The following SATB2 variants were observed in gnomAD, a reference collection of about 807,000 sequenced individuals.
SATB2 encodes SATB homeobox 2.
A neutral mutation model predicts 73.4 loss-of-function variants in SATB2; 1 was observed. The observed-to-expected ratio is 0.01, with a 90% CI of 0.00 to 0.06. The LOEUF (loss-of-function observed/expected upper bound fraction) is 0.06. Ranked by LOEUF, SATB2 falls within the 10% of genes least tolerant of loss-of-function variation. The pLI, the probability that SATB2 is intolerant of heterozygous loss-of-function variation, is 1.00. For synonymous variants in SATB2, 397 were observed against 367.0 expected (o/e 1.08, Z -0.93); for missense variants, 459 against 945.8 (o/e 0.49, Z 6.75).
chr2:199,463,899 G>A lies in SATB2; in HGVS notation c.-141+937C>T, dbSNP rs1465926348. The stretch of plus-strand genomic sequence containing the variant: ...TCGTAGGGGCAGGCAAGCTCAGGCA[G>A]CCGGGTGCAAGGGGGCCCAAACCGC... On this transcript the variant is annotated intron_variant, in intron 1 of 11. Coordinates refer to the SATB2 transcript ENST00000260926. This position sits in a 1 kb window ranked among gnomAD's most constrained non-coding sequence, Gnocchi z 6.4. 6.6e-6 allele frequency among the ~76,000 whole-genome samples: 1 copy of A among 152,200 alleles called. No homozygotes were observed. Among genetic ancestry groups the A allele is most frequent in the East Asian group, 1.9e-4 (1 of 5,172 alleles).
At chr2:199,405,902 A>C (rs1310101283) in intron 3 of SATB2, among the ~76,000 whole-genome samples, 1 of 152,198 alleles carries the variant, frequency 6.6e-6, no homozygotes, top group Non-Finnish European at 1.5e-5. Context: ...GGGTCAAGGT[A>C]AGTGGAGTGG....
At chr2:199,458,616 G>GCAGT (rs1163354695), upstream of SATB2, 1 of 436,390 alleles carries the variant, frequency 2.3e-6, no homozygotes, top group Non-Finnish European at 4.6e-6. Flanking sequence ...CGGCGACAAG[G>GCAGT]CAGTCGCTGG....
intron 10 of SATB2, among the ~76,000 whole-genome samples, chr2:199,307,232 AATG>A (rs1174740882): frequency 6.6e-5 from 10 of 152,220 alleles, no homozygotes; most frequent in African/African-American, 1.9e-4. Context: ...TATGTTATGA[AATG>A]ATATTGACAA....
chr2:199,388,329 C>T (rs1690021362), intron 3 of SATB2, among the ~76,000 whole-genome samples: 1 of 152,130 alleles, frequency 6.6e-6, no homozygotes, highest in Admixed American at 6.5e-5. Flanking sequence ...TTGCTAAACA[C>T]ATAGCTAAGT....
intron 3 of SATB2, among the ~76,000 whole-genome samples, chr2:199,417,562 G>A (rs1365400051): frequency 6.6e-6 from 1 of 152,140 alleles, no homozygotes; most frequent in South Asian, 2.1e-4. Context: ...CATTTGTACT[G>A]AGGTAACTCA....
At chr2:199,435,575 C>T (rs574178011) in intron 2 of SATB2, among the ~76,000 whole-genome samples, 1 of 152,132 alleles carries the variant, frequency 6.6e-6, no homozygotes, top group African/African-American at 2.4e-5. Context: ...AACTCCTAAC[C>T]TCAGGTGATC....
chr2:199,273,291 C>T (rs1277483619), intron 10 of SATB2, among the ~76,000 whole-genome samples: 1 of 152,182 alleles, frequency 6.6e-6, no homozygotes, highest in Admixed American at 6.5e-5. Context: ...GAGGGTCGAT[C>T]TTTGCCACAA....
chr2:199,385,177 CA>C (rs1267418184), intron 3 of SATB2, among the ~76,000 whole-genome samples: 1 of 152,102 alleles, frequency 6.6e-6, no homozygotes, highest in Non-Finnish European at 1.5e-5. Flanking sequence ...CTCTGTCACC[CA>C]AGCTGAAGTG....
chr2:199,408,056 G>A lies in SATB2; in HGVS notation c.346+25282C>T, dbSNP rs565464037. On this transcript the variant is annotated intron_variant, in intron 3 of 10. Coordinates refer to ENST00000417098, the MANE Select transcript of SATB2 (RefSeq NM_001172509.2). Reference sequence around the variant, plus strand: ...TTTCATGATAACCTTGGACCTGACAGGGTAGTTCCATAGTTTGTGCCTTGT... The same window carrying A: ...TTTCATGATAACCTTGGACCTGACAAGGTAGTTCCATAGTTTGTGCCTTGT... Among the ~76,000 whole-genome samples the A allele has an allele frequency of 3.9e-5, 6 of 152,298 alleles. No homozygotes were observed. The South Asian group carries it at 1.2e-3, about 32-fold the overall frequency.
At chr2:199,352,578 C>T (rs1327737195) in intron 6 of SATB2, among the ~76,000 whole-genome samples, 1 of 152,138 alleles carries the variant, frequency 6.6e-6, no homozygotes, top group African/African-American at 2.4e-5. Flanking sequence ...CAACATATTA[C>T]ATCCGTAGTA....
intron 3 of SATB2, among the ~76,000 whole-genome samples, chr2:199,430,605 G>C (rs1304833466): frequency 6.6e-6 from 1 of 152,098 alleles, no homozygotes; most frequent in East Asian, 1.9e-4. Flanking sequence ...TCAAATAAAG[G>C]TTATTTTAAC....
chr2:199,406,733 C>T (rs1026232161), intron 3 of SATB2, among the ~76,000 whole-genome samples: 4 of 150,970 alleles, frequency 2.6e-5, no homozygotes. Context: ...TCTGAGAGGA[C>T]GTATGTATTT....
At chr2:199,402,262 G>A (rs2105893879) in intron 3 of SATB2, among the ~76,000 whole-genome samples, 1 of 152,298 alleles carries the variant, frequency 6.6e-6, no homozygotes, top group Middle Eastern at 3.4e-3. Flanking sequence ...GTGCGCACCT[G>A]TAGTCCCAGC....
upstream of SATB2, chr2:199,458,684 T>A (rs1692375343): frequency 2.3e-6 from 1 of 442,564 alleles, no homozygotes; most frequent in African/African-American, 2.1e-5. Context: ...CGCGGCTGCC[T>A]CGGCTCCCAG....
At chr2:199,316,270 T>C (rs993330553) in intron 9 of SATB2, among the ~76,000 whole-genome samples, 2 of 151,996 alleles carry the variant, frequency 1.3e-5, no homozygotes, top group Non-Finnish European at 2.9e-5. Context: ...AAGTGTCTAT[T>C]AAAATAAATA....
intron 9 of SATB2, among the ~76,000 whole-genome samples, chr2:199,322,641 C>T (rs1478018876): frequency 6.6e-6 from 1 of 152,134 alleles, no homozygotes; most frequent in East Asian, 1.9e-4. Context: ...TTCTACTCCC[C>T]TCCTTTTATC....
At chr2:199,338,443 T>C (rs1055997746) in intron 7 of SATB2, among the ~76,000 whole-genome samples, 2 of 152,074 alleles carry the variant, frequency 1.3e-5, no homozygotes, top group African/African-American at 2.4e-5. Flanking sequence ...AAAGTCCTCA[T>C]TGAGGATAGA....
chr2:199,417,158 T>C (rs1399734148), intron 3 of SATB2, among the ~76,000 whole-genome samples: 1 of 151,980 alleles, frequency 6.6e-6, no homozygotes, highest in East Asian at 1.9e-4. Context: ...CCATTTACTT[T>C]TTTTTTTTAA....
chr2:199,277,385 A>G (rs1290472001), intron 10 of SATB2, among the ~76,000 whole-genome samples: 1 of 152,178 alleles, frequency 6.6e-6, no homozygotes, highest in African/African-American at 2.4e-5. Context: ...GTTGACCTTT[A>G]TTTATCCCTA....
Sources: gnomAD v4.1 joint callset for allele counts (sites outside exome capture counted in the v4.1 genomes callset) on GRCh38, gnomAD v4.1.1 for gene constraint, Gnocchi (gnomAD v3.1) non-coding constraint, MANE v1.5 for transcripts, NCBI Gene and HGNC (gene_info 2026-07-23, HGNC 2026-07-21) for gene names.